The following CPQ variants were observed in gnomAD, a reference collection of about 807,000 sequenced individuals.
CPQ encodes carboxypeptidase Q, also known as Ser-Met dipeptidase.
In CPQ, 37 loss-of-function variants were observed where a neutral mutation model predicts 45.7. The ratio of observed to expected loss-of-function variants is 0.81; its 90% confidence interval spans 0.62 to 1.07. CPQ has a LOEUF of 1.07. Ranked by LOEUF, CPQ falls within the 50% of genes least tolerant of loss-of-function variation. The pLI is 0.00. For missense variants in CPQ, 537 were observed against 572.9 expected (o/e 0.94, Z 0.64); for synonymous variants, 186 against 205.8 (o/e 0.90, Z 0.82).
chr8:96,776,639 A>T (rs540685333), intron 1 of CPQ, among the ~76,000 whole-genome samples: 1 of 152,300 alleles, frequency 6.6e-6, no homozygotes, highest in South Asian at 2.1e-4. Context: ...TAAACCTATT[A>T]TTAGAATATA....
chr8:96,965,161 C>CAATCT (rs1813533737), intron 4 of CPQ, among the ~76,000 whole-genome samples: 1 of 151,986 alleles, frequency 6.6e-6, no homozygotes, highest in African/African-American at 2.4e-5. Context: ...TATTCAACAT[C>CAATCT]AATCTATAAT....
intron 4 of CPQ, among the ~76,000 whole-genome samples, chr8:96,908,189 GAA>G (rs1210642201): frequency 4.4e-4 from 66 of 151,674 alleles, no homozygotes; most frequent in African/African-American, 1.6e-3. Context: ...GAGAGAGGGA[GAA>G]GAGAGAGAGA....
chr8:96,720,960 T>G (rs940611256), intron 1 of CPQ, among the ~76,000 whole-genome samples: 2 of 143,880 alleles, frequency 1.4e-5, no homozygotes, highest in Non-Finnish European at 3.0e-5. Context: ...TGTTCATGGG[T>G]TTTTTTTTTT....
At chr8:96,851,212 T>C (rs187091224) in intron 3 of CPQ, among the ~76,000 whole-genome samples, 5 of 152,316 alleles carry the variant, frequency 3.3e-5, no homozygotes, top group Non-Finnish European at 7.4e-5. Flanking sequence ...GTTTTTCAAC[T>C]TGAGAGAGTC....
rs1404144172 is a variant in CPQ at position 96,997,065 on chromosome 8, C to G, written c.961+31019C>G. Among the ~76,000 whole-genome samples the G allele has an allele frequency of 3.3e-5, 5 of 152,020 alleles. No individual in the cohort carries two copies. In the East Asian group the frequency reaches 9.7e-4, roughly 29 times the overall value. On this transcript the variant is annotated intron_variant, in intron 5 of 7. Coordinates refer to ENST00000220763, the MANE Select transcript of CPQ (RefSeq NM_016134.4). ...TGTACTACAGCCTTTCATCTGGGAT[C>G]TTCTGTTTGGAAAGTCTCTTCAAAT...
At chr8:97,033,685 A>T (rs1809948801) in intron 6 of CPQ, among the ~76,000 whole-genome samples, 1 of 151,868 alleles carries the variant, frequency 6.6e-6, no homozygotes, top group South Asian at 2.1e-4. Flanking sequence ...CTAAACCTAC[A>T]TGGCACTAGC....
At chr8:97,128,105 G>T (rs1270060961) in intron 7 of CPQ, among the ~76,000 whole-genome samples, 15 of 152,200 alleles carry the variant, frequency 9.9e-5, no homozygotes, top group East Asian at 5.8e-4. Flanking sequence ...ATAAAAAGAA[G>T]CAGCTATTTT....
intron 3 of CPQ, among the ~76,000 whole-genome samples, chr8:96,845,765 G>C (rs1168501181): frequency 6.6e-6 from 1 of 151,782 alleles, no homozygotes; most frequent in South Asian, 2.1e-4. Flanking sequence ...TCTCAGTGTG[G>C]TATGGCCATA....
chr8:97,098,029 TC>T (rs953886099), intron 7 of CPQ, among the ~76,000 whole-genome samples: 3 of 152,180 alleles, frequency 2.0e-5, no homozygotes, highest in African/African-American at 7.2e-5. Flanking sequence ...ACAGCCTTTA[TC>T]CCCTTCATTA....
chr8:96,969,965 A>C (rs1196220736), intron 5 of CPQ, among the ~76,000 whole-genome samples: 1 of 152,230 alleles, frequency 6.6e-6, no homozygotes, highest in African/African-American at 2.4e-5. Context: ...TCCCTGGCCC[A>C]GAATACAACC....
At chr8:96,932,368 T>A (rs1358380328) in intron 4 of CPQ, among the ~76,000 whole-genome samples, 1 of 152,200 alleles carries the variant, frequency 6.6e-6, no homozygotes, top group Admixed American at 6.5e-5. Context: ...TTTTTAATAT[T>A]ATAACTTTAA....
intron 3 of CPQ, among the ~76,000 whole-genome samples, chr8:96,857,614 A>G (rs1811867755): frequency 6.6e-6 from 1 of 152,224 alleles, no homozygotes; most frequent in African/African-American, 2.4e-5. Context: ...TGCTGTACAC[A>G]TTGCAGCCAG....
chr8:96,860,258 G>T (rs1319407810), intron 3 of CPQ, among the ~76,000 whole-genome samples: 1 of 152,162 alleles, frequency 6.6e-6, no homozygotes, highest in Non-Finnish European at 1.5e-5. Context: ...CACCAAGTGA[G>T]TAATGTAGAT....
chr8:97,069,469 CTA>C (rs1810698743), intron 7 of CPQ, among the ~76,000 whole-genome samples: 1 of 138,442 alleles, frequency 7.2e-6, no homozygotes, highest in Non-Finnish European at 1.5e-5. Context: ...CCATCTGTCT[CTA>C]AAAAAAAAAA....
chr8:96,679,434 CAT>C (rs1443376232), intron 1 of CPQ, among the ~76,000 whole-genome samples: 2 of 152,084 alleles, frequency 1.3e-5, no homozygotes, highest in Non-Finnish European at 2.9e-5. Context: ...ATTTTGGCCT[CAT>C]AGAATGAATT....
At chr8:96,977,641 C>A (rs192595645) in intron 5 of CPQ, among the ~76,000 whole-genome samples, 1 of 152,160 alleles carries the variant, frequency 6.6e-6, no homozygotes, top group East Asian at 1.9e-4. Context: ...TATTACTCAG[C>A]CACAAAAAGG....
rs1339953753 is a variant in CPQ at position 97,011,163 on chromosome 8, G to GAC, written c.962-18238_962-18237dup. On this transcript the variant is annotated intron_variant, in intron 5 of 7. Coordinates refer to ENST00000220763, the MANE Select transcript of CPQ (RefSeq NM_016134.4). Reference sequence around the variant, plus strand: ...TTTAGACCCAGCAGTTGAAGATTTTGACATTCCTGTTGATATAAATGTGGA... The same window carrying GAC: ...TTTAGACCCAGCAGTTGAAGATTTTGACACATTCCTGTTGATATAAATGTGGA... Among the ~76,000 whole-genome samples the GAC allele has an allele frequency of 6.6e-5, 10 of 152,284 alleles. No individual in the cohort carries two copies. The East Asian group carries it at 1.9e-3, about 29-fold the overall frequency.
At chr8:96,756,985 T>G (rs891068727) in intron 1 of CPQ, among the ~76,000 whole-genome samples, 1 of 152,158 alleles carries the variant, frequency 6.6e-6, no homozygotes, top group Admixed American at 6.6e-5. Context: ...GGGTCCTTGT[T>G]TTTCTGAAAA....
chr8:97,142,893 G>A, intron 7 of CPQ, 127 bp from the exon 8 acceptor site: 1 of 804,938 alleles, frequency 1.2e-6, no homozygotes, highest in East Asian at 2.7e-5. Flanking sequence ...AAGAGAGCCT[G>A]GAAAAGTAAT....
Sources: allele counts gnomAD v4.1 joint callset (sites outside exome capture counted in the v4.1 genomes callset), GRCh38; gene constraint gnomAD v4.1.1; transcripts MANE v1.5; gene names NCBI Gene and HGNC (gene_info 2026-07-23, HGNC 2026-07-21).